DNAH14: variants seen among roughly 807,000 people sequenced by gnomAD.
The protein encoded by DNAH14 is axonemal beta dynein heavy chain 14.
A neutral mutation model predicts 520.9 loss-of-function variants in DNAH14; 478 were observed. The observed-to-expected ratio is 0.92, with a 90% confidence interval of 0.85 to 0.99. DNAH14 has a LOEUF of 0.99. Ranked by LOEUF, DNAH14 falls within the 50% of genes least tolerant of loss-of-function variation. The pLI, the probability that DNAH14 is intolerant of heterozygous loss-of-function variation, is 0.00. For missense variants in DNAH14, 4,831 were observed against 5,234.5 expected (o/e 0.92, Z 2.38); for synonymous variants, 1,581 against 1,757.2 (o/e 0.90, Z 2.51).
At chr1:225,162,917 A>C (rs2081658427) in intron 35 of DNAH14, among the ~76,000 whole-genome samples, 1 of 152,028 alleles carries the variant, frequency 6.6e-6, no homozygotes, top group South Asian at 2.1e-4. Context: ...CAAATGGATC[A>C]CTTGAGGTCA....
At chr1:224,943,368 A>G (rs897406373) in intron 1 of DNAH14, among the ~76,000 whole-genome samples, 24 of 150,260 alleles carry the variant, frequency 1.6e-4, no homozygotes, top group Non-Finnish European at 3.4e-4. Context: ...TATTGTGTCT[A>G]TTTGATTCCT....
In DNAH14 at chr1:225,340,633, T is replaced by A. The variant is rs1397504417; in HGVS notation, c.10610T>A (p.Ile3537Asn). 1.9e-6 allele frequency: 3 copies of A among 1,551,332 alleles called. No individual in the cohort carries two copies. In the African/African-American group the frequency reaches 4.1e-5, roughly 21 times the overall value. ...EDQRSKLLESISLDAITLEEL... is the reference protein window; with the variant it reads ...EDQRSKLLESNSLDAITLEEL... The stretch of plus-strand genomic sequence containing the variant: ...CAACGTTCCAAGTTACTGGAGAGTA[T>A]TTCCCTTGATGCCATAACTCTTGAA... Residue 3537 changes from isoleucine (I) to asparagine (N), a missense_variant, in exon 69 of 86, where the codon ATT becomes AAT. Ile to Asn is a moderately radical substitution (Grantham distance 149, BLOSUM62 -3). Transcript: ENST00000682510.
intron 7 of DNAH14, among the ~76,000 whole-genome samples, chr1:224,970,349 C>T (rs762920769): frequency 1.3e-5 from 2 of 152,110 alleles, no homozygotes; most frequent in African/African-American, 2.4e-5. Context: ...AGTGACAATG[C>T]GTGCCCGAAA....
chr1:225,086,430 G>A (rs575091327), intron 21 of DNAH14, among the ~76,000 whole-genome samples: 4 of 152,024 alleles, frequency 2.6e-5, no homozygotes, highest in African/African-American at 9.6e-5. Context: ...CACCGTGCCC[G>A]ACCCCTAATA....
intron 1 of DNAH14, among the ~76,000 whole-genome samples, chr1:224,942,573 G>T (rs553103120): frequency 3.3e-5 from 5 of 152,132 alleles, no homozygotes; most frequent in Non-Finnish European, 7.3e-5. Flanking sequence ...GGGCATCCCT[G>T]TCTTGTGCCA....
chr1:225,182,780 G>A lies in DNAH14; in HGVS notation c.5536-2511G>A, dbSNP rs368134159. On this transcript the variant is annotated intron_variant, in intron 36 of 85. Transcript: ENST00000682510. ...TTCCAGGCTGGTGAGCACAAAGAGA[G>A]TATTTAGACTCACTGTGGACCAGAA... 9.1e-4 allele frequency among the ~76,000 whole-genome samples: 138 copies of A among 152,296 alleles called. 1 individual carries two copies. The highest frequency in any genetic ancestry group is 3.1e-3 in the African/African-American group (130 of 41,572).
chr1:225,314,420 T>G (rs1465243231), intron 60 of DNAH14, among the ~76,000 whole-genome samples: 1 of 152,240 alleles, frequency 6.6e-6, no homozygotes. Flanking sequence ...AATTGGGGCA[T>G]TTAGCCCATT....
intron 35 of DNAH14, among the ~76,000 whole-genome samples, chr1:225,167,335 A>G (rs1010494930): frequency 2.6e-5 from 4 of 152,228 alleles, no homozygotes; most frequent in Admixed American, 2.6e-4. Flanking sequence ...ATAGTTACCA[A>G]TTCTATCTAC....
intron 15 of DNAH14, among the ~76,000 whole-genome samples, chr1:225,046,457 C>T (rs1462219727): frequency 6.6e-6 from 1 of 152,184 alleles, no homozygotes; most frequent in African/African-American, 2.4e-5. Context: ...TATTTGTTCA[C>T]TCTGAGATTT....
At chr1:224,976,960 C>A (rs2061892876) in intron 8 of DNAH14, among the ~76,000 whole-genome samples, 1 of 151,252 alleles carries the variant, frequency 6.6e-6, no homozygotes, top group South Asian at 2.1e-4. Flanking sequence ...ACTAGAAATA[C>A]CATTTGACCC....
At chr1:225,003,068 C>A in intron 9 of DNAH14, 141 bp downstream of exon 9, 1 of 778,140 alleles carries the variant, frequency 1.3e-6, no homozygotes, top group Non-Finnish European at 1.9e-6. Flanking sequence ...AAAATATCTG[C>A]AAAGAATGTG....
chr1:225,054,820 G>A (rs188039877), intron 17 of DNAH14, among the ~76,000 whole-genome samples: 21 of 151,892 alleles, frequency 1.4e-4, no homozygotes, highest in East Asian at 9.7e-4. Flanking sequence ...ATTTTTGCCC[G>A]TTGCTTTATT....
rs776707011 is a variant in DNAH14 at position 225,051,650 on chromosome 1, T to C, written c.2279T>C (p.Met760Thr). ...AACTATTTTAGACATATTGTGAATA[T>C]GGCCATTGAGAAGCGTATTGGTATT... ...FRNYFRHIVNMAIEKRIGIFN... is the reference protein window; with the variant it reads ...FRNYFRHIVNTAIEKRIGIFN... The change falls in exon 17 of 86, where the codon ATG becomes ACG. Residue 760 changes from methionine to threonine, a missense_variant. Physicochemically the swap from Met to Thr is moderately conservative, Grantham distance 81. Coordinates refer to ENST00000682510, the MANE Select transcript of DNAH14 (RefSeq NM_001367479.1). 2.6e-6 allele frequency: 4 copies of C among 1,551,256 alleles called. No individual in the cohort carries two copies. In the South Asian group the frequency reaches 4.8e-5, roughly 18 times the overall value.
chr1:225,207,225 G>C lies in DNAH14; in HGVS notation c.6439+5G>C, dbSNP rs934979082. The C allele has an allele frequency of 2.7e-6, 4 of 1,504,794 alleles. No individual in the cohort carries two copies. The highest frequency in any genetic ancestry group is 2.7e-6 in the Non-Finnish European group (3 of 1,124,358). 93.2% of individuals were successfully genotyped at this position (1,504,794 alleles called of 1,614,324 possible). On this transcript the variant is annotated splice_donor_5th_base_variant and intron_variant, in intron 41 of 85. Transcript: ENST00000682510. ...AAAATGGAGGATTTGAACAAAGTGA[G>C]TTTTTTTCTCTAAGTCATATCAATG...
At chr1:225,118,233 T>C in intron 25 of DNAH14, 1 of 544,642 alleles carries the variant, frequency 1.8e-6, no homozygotes, top group South Asian at 2.3e-5. Flanking sequence ...CATTCTAATT[T>C]GCACTTACAT....
chr1:225,292,417 G>A (rs2093913094), intron 55 of DNAH14, among the ~76,000 whole-genome samples: 1 of 152,036 alleles, frequency 6.6e-6, no homozygotes, highest in East Asian at 1.9e-4. Context: ...ATTGATACAT[G>A]GATTAATTTC....
intron 41 of DNAH14, among the ~76,000 whole-genome samples, chr1:225,219,893 A>G (rs533158540): frequency 6.6e-6 from 1 of 152,354 alleles, no homozygotes; most frequent in South Asian, 2.1e-4. Context: ...ATGAACATCA[A>G]TGTGAAAATC....
chr1:225,249,830 A>G (rs975501263), intron 43 of DNAH14, among the ~76,000 whole-genome samples: 1 of 152,210 alleles, frequency 6.6e-6, no homozygotes, highest in African/African-American at 2.4e-5. Flanking sequence ...TAAGAAATCA[A>G]CTACCATATA....
chr1:225,241,565 T>G (rs1480625530), intron 43 of DNAH14, among the ~76,000 whole-genome samples: 1 of 151,730 alleles, frequency 6.6e-6, no homozygotes, highest in Admixed American at 6.6e-5. Context: ...TGTCAAAGAG[T>G]GAACTTACAC....
Sources: allele counts gnomAD v4.1 joint callset (sites outside exome capture counted in the v4.1 genomes callset), GRCh38; gene constraint gnomAD v4.1.1; transcripts MANE v1.5; gene names NCBI Gene and HGNC (gene_info 2026-07-23, HGNC 2026-07-21).